IGSF3: variants seen among roughly 807,000 people sequenced by gnomAD.
IGSF3 encodes the protein glu-Trp-Ile EWI motif-containing protein 3.
In IGSF3, 23 loss-of-function variants were observed where a neutral mutation model predicts 114.4. That is an observed-to-expected ratio of 0.20 (90% CI 0.14 to 0.28). The LOEUF is 0.28. Among genes scored for constraint, IGSF3 ranks in the 10% least tolerant of loss-of-function variants. The pLI, the probability that IGSF3 is intolerant of heterozygous loss-of-function variation, is 1.00. For missense variants in IGSF3, 1,172 were observed against 1,591.5 expected, an observed-to-expected ratio of 0.74 and a Z score of 4.48; for synonymous variants, 571 against 645.2, an observed-to-expected ratio of 0.88 and a Z score of 1.74.
Position 116,616,434 on chromosome 1 carries a change from C to T in IGSF3, c.67G>A (p.Val23Ile). 6.2e-7 allele frequency: 1 copy of T among 1,600,994 alleles called. No homozygotes were observed. The highest frequency in any genetic ancestry group is 8.5e-7 in the Non-Finnish European group (1 of 1,171,092). ...VLGVVSAQRQ[V>I]TVQEGPLYRT... ...TACAAGGGTCCTTCCTGAACGGTGA[C>T]CTGCCGCTGTGCTGACACCACACCT... The change falls in exon 3 of 11, where the codon GTC (valine) becomes ATC (isoleucine). Residue 23 changes from valine to isoleucine, a missense_variant. By Grantham distance (29) the Val-to-Ile change is conservative. Transcript: ENST00000369486. This position sits in a 1 kb window ranked among gnomAD's most constrained non-coding sequence, Gnocchi z 6.6.
rs1448888822 is a variant in IGSF3 at position 116,614,080 on chromosome 1, T to A, written c.517A>T (p.Thr173Ser). The change falls in exon 4 of 11, where the codon ACC becomes TCC. Residue 173 changes from threonine (T) to serine (S), a missense_variant. Coordinates refer to ENST00000369486, the MANE Select transcript of IGSF3 (RefSeq NM_001007237.3). The surrounding 1 kb of genome is among the most constrained non-coding windows in gnomAD (Gnocchi z 4.5). The part of the protein sequence containing the change: ...LELTCEVASE[T>S]IQHSHLSVAW... The stretch of plus-strand genomic sequence containing the variant: ...ACAGACAGGTGGCTGTGCTGAATGG[T>A]CTCTGAGGCCACCTCACAAGTGAGC... 3.1e-6 allele frequency: 5 copies of A among 1,614,120 alleles called. No homozygotes were observed. Among genetic ancestry groups the A allele is most frequent in the Admixed American group, 1.7e-5 (1 of 60,032 alleles).
At chr1:116,637,795 T>C (rs1157845758) in intron 2 of IGSF3, among the ~76,000 whole-genome samples, 1 of 152,202 alleles carries the variant, frequency 6.6e-6, no homozygotes, top group East Asian at 1.9e-4. Context: ...ACACTTGCTG[T>C]TCCTTCTTGC....
chr1:116,629,732 C>A lies in IGSF3; in HGVS notation c.44-13275G>T, dbSNP rs1647470911. Among the ~76,000 whole-genome samples the A allele has an allele frequency of 1.3e-5, 2 of 152,218 alleles. No homozygotes were observed. Among genetic ancestry groups the A allele is most frequent in the Admixed American group, 1.3e-4 (2 of 15,284 alleles). The stretch of plus-strand genomic sequence containing the variant: ...CCCTCTATTTGAGCTACTTAATGCA[C>A]AAGGGCCTGGTTGAACAGGTTTGAC... On this transcript the variant is annotated intron_variant, in intron 2 of 10. Coordinates refer to ENST00000369486, the MANE Select transcript of IGSF3 (RefSeq NM_001007237.3). The surrounding 1 kb of genome is among the most constrained non-coding windows in gnomAD (Gnocchi z 4.3).
Position 116,626,360 on chromosome 1 carries a change from C to T in IGSF3, c.44-9903G>A, listed in dbSNP as rs1408812255. Among the ~76,000 whole-genome samples, 3 of 149,298 alleles carry T rather than the reference C, an allele frequency of 2.0e-5. No homozygotes were observed. The East Asian group carries it at 5.8e-4, about 29-fold the overall frequency. On this transcript the variant is annotated intron_variant, in intron 2 of 10. Coordinates refer to ENST00000369486, the MANE Select transcript of IGSF3 (RefSeq NM_001007237.3). ...ATCGTCCCTTTCATTGAGTTATGAT[C>T]CTCAGTTTTCCTCCTCAAAGTTTTT...
At chr1:116,602,972 T>C (rs927859163) in intron 6 of IGSF3, among the ~76,000 whole-genome samples, 1 of 152,324 alleles carries the variant, frequency 6.6e-6, no homozygotes, top group South Asian at 2.1e-4. Context: ...ATGGGCCCCG[T>C]CAGGTAGTAG....
Position 116,616,910 on chromosome 1 carries a change from TG to T in IGSF3, c.44-454del, listed in dbSNP as rs1661240254. ...AATGCTTCTTCCTTGGTCTGAGCGC[TG>T]GTGGGAGGGAGTCCTGGGAGCACCT... On this transcript the variant is annotated intron_variant, in intron 2 of 10. Transcript: ENST00000369486. The surrounding 1 kb of genome is among the most constrained non-coding windows in gnomAD (Gnocchi z 6.6). 6.6e-6 allele frequency among the ~76,000 whole-genome samples: 1 copy of T among 152,218 alleles called. No individual in the cohort carries two copies. Among genetic ancestry groups the T allele is most frequent in the Non-Finnish European group, 1.5e-5 (1 of 68,032 alleles).
Position 116,577,082 on chromosome 1 carries a change from A to G in IGSF3, c.*230T>C, listed in dbSNP as rs753951073. The G allele has an allele frequency of 7.5e-6, 4 of 536,448 alleles. No homozygotes were observed. Among genetic ancestry groups the G allele is most frequent in the Non-Finnish European group, 1.3e-5 (4 of 301,096 alleles). 33.2% of individuals were successfully genotyped at this position (536,448 alleles called of 1,614,324 possible). The stretch of plus-strand genomic sequence containing the variant: ...TACATTACTAAAAACAGAAACAAGA[A>G]ATCTATAATGGCAGGATCACAACAT... On this transcript the variant is annotated 3_prime_UTR_variant, in exon 11 of 11. Transcript: ENST00000369486. This position sits in a 1 kb window ranked among gnomAD's most constrained non-coding sequence, Gnocchi z 5.7.
At position 116,638,653 on chromosome 1, in the gene IGSF3, G is replaced by C. The variant is rs1647941799; in HGVS notation, c.44-22196C>G. On this transcript the variant is annotated intron_variant, in intron 2 of 10. Transcript: ENST00000369486. This position sits in a 1 kb window ranked among gnomAD's most constrained non-coding sequence, Gnocchi z 4.1. ...ATGCTTACATCGTTTTCCATCTCTT[G>C]TGTTGGTGAGCTAAAAACAAGATGG... 6.6e-6 allele frequency among the ~76,000 whole-genome samples: 1 copy of C among 152,104 alleles called. No individual in the cohort carries two copies. The highest frequency in any genetic ancestry group is 1.5e-5 in the Non-Finnish European group (1 of 68,040).
rs1647386677 is a variant in IGSF3, at chr1:116,628,075, G to C, written c.44-11618C>G. On this transcript the variant is annotated intron_variant, in intron 2 of 10. Transcript: ENST00000369486. The surrounding 1 kb of genome is among the most constrained non-coding windows in gnomAD (Gnocchi z 4.2). ...GATAGCTGGATAATCGCAATAAGCA[G>C]AGCCCCAATAACTAGCTCCAGTGTG... 6.6e-6 allele frequency among the ~76,000 whole-genome samples: 1 copy of C among 152,234 alleles called. No homozygotes were observed. The highest frequency in any genetic ancestry group is 1.5e-5 in the Non-Finnish European group (1 of 68,040).
chr1:116,625,422 G>A lies in IGSF3; in HGVS notation c.44-8965C>T, dbSNP rs1317501061. Among the ~76,000 whole-genome samples, 1 of 152,218 alleles carries A rather than the reference G, an allele frequency of 6.6e-6. No homozygotes were observed. Among genetic ancestry groups the A allele is most frequent in the Non-Finnish European group, 1.5e-5 (1 of 68,042 alleles). Reference sequence around the variant, plus strand: ...AACACTGCAGTGCATTCCAGGATTAGCAAGAAGTTTGCGGAGGTCGTTTTG... The same window carrying A: ...AACACTGCAGTGCATTCCAGGATTAACAAGAAGTTTGCGGAGGTCGTTTTG... On this transcript the variant is annotated intron_variant, in intron 2 of 10. Transcript: ENST00000369486. This position sits in a 1 kb window ranked among gnomAD's most constrained non-coding sequence, Gnocchi z 4.7.
Position 116,604,163 on chromosome 1 carries a change from C to T in IGSF3, c.1223-138G>A, listed in dbSNP as rs1295195627. On this transcript the variant is annotated intron_variant, in intron 5 of 10. Transcript: ENST00000369486. ...CCTCAGAGGGTCAAAAACACTCTGA[C>T]CCTAGTTGCTGCAAGCCCTGGCTGG... is the stretch of plus-strand genomic sequence containing the variant. 6 of 770,960 alleles carry T rather than the reference C, an allele frequency of 7.8e-6. No homozygotes were observed. In the East Asian group the frequency reaches 1.6e-4, roughly 21 times the overall value. 47.8% of individuals were successfully genotyped at this position (770,960 alleles called of 1,614,324 possible).
At chr1:116,586,743 G>A (rs1659861428) in intron 8 of IGSF3, among the ~76,000 whole-genome samples, 1 of 152,152 alleles carries the variant, frequency 6.6e-6, no homozygotes, top group African/African-American at 2.4e-5. Flanking sequence ...GTGATGACTA[G>A]AGTGGAAATG....
intron 2 of IGSF3, 57 bp downstream of exon 2, chr1:116,666,227 G>T: frequency 4.7e-6 from 7 of 1,493,162 alleles, no homozygotes; most frequent in Middle Eastern, 1.7e-4. Context: ...GAAATTACAG[G>T]AACCAAGAGC....
Position 116,605,714 on chromosome 1 carries a change from C to T in IGSF3, c.1223-1689G>A, listed in dbSNP as rs1384859654. Among the ~76,000 whole-genome samples the T allele has an allele frequency of 1.3e-5, 2 of 152,164 alleles. No homozygotes were observed. The highest frequency in any genetic ancestry group is 2.4e-5 in the African/African-American group (1 of 41,438). On this transcript the variant is annotated intron_variant, in intron 5 of 10. Coordinates refer to ENST00000369486, the MANE Select transcript of IGSF3 (RefSeq NM_001007237.3). This position sits in a 1 kb window ranked among gnomAD's most constrained non-coding sequence, Gnocchi z 5.1. ...TATTTTTCATCATCATTAATAACAA[C>T]AATATTCCTCTTTAGATTAAAGACT...
rs562478210 is a variant in IGSF3 at position 116,625,342 on chromosome 1, A to G, written c.44-8885T>C. On this transcript the variant is annotated intron_variant, in intron 2 of 10. Transcript: ENST00000369486. The surrounding 1 kb of genome is among the most constrained non-coding windows in gnomAD (Gnocchi z 4.7). ...AAAGCATTCAAAAAGCCTTCAAAAA[A>G]GCAGTGACATCTGAATTGGGTCCCA... Among the ~76,000 whole-genome samples the G allele has an allele frequency of 2.4e-4, 36 of 152,380 alleles. No individual in the cohort carries two copies. The East Asian group carries it at 6.0e-3, about 25-fold the overall frequency.
intron 6 of IGSF3, among the ~76,000 whole-genome samples, chr1:116,601,327 C>T (rs1224299489): frequency 6.6e-6 from 1 of 152,188 alleles, no homozygotes; most frequent in Non-Finnish European, 1.5e-5. Context: ...TTTTAGGTTG[C>T]TTTACCCATG....
rs765727956 is a variant in IGSF3, at chr1:116,603,549, A to G, written c.1624+75T>C. The G allele has an allele frequency of 6.3e-6, 9 of 1,435,828 alleles. No homozygotes were observed. Among genetic ancestry groups the G allele is most frequent in the African/African-American group, 1.4e-5 (1 of 71,248 alleles). The allele number at this position is 1,435,828 out of a possible 1,614,324, so 88.9% of individuals were successfully genotyped here. A position where few individuals can be genotyped will look rare whatever the true frequency, so the allele number is the denominator to read the frequency against. ...GTTTCCTGCTAAAACTCTGACTGAG[A>G]AAAGTCAGGATAAGGTGTTTGACAC... is the stretch of plus-strand genomic sequence containing the variant. On this transcript the variant is annotated intron_variant, in intron 6 of 10. Coordinates refer to ENST00000369486, the MANE Select transcript of IGSF3 (RefSeq NM_001007237.3). The surrounding 1 kb of genome is among the most constrained non-coding windows in gnomAD (Gnocchi z 7.1).
In IGSF3 at chr1:116,665,500, A is replaced by T. The variant is rs1351613457; in HGVS notation, c.43+784T>A. Among the ~76,000 whole-genome samples, 1 of 152,182 alleles carries T rather than the reference A, an allele frequency of 6.6e-6. No homozygotes were observed. The highest frequency in any genetic ancestry group is 1.5e-5 in the Non-Finnish European group (1 of 68,028). On this transcript the variant is annotated intron_variant, in intron 2 of 10. Coordinates refer to ENST00000369486, the MANE Select transcript of IGSF3 (RefSeq NM_001007237.3). This position sits in a 1 kb window ranked among gnomAD's most constrained non-coding sequence, Gnocchi z 4.0. The stretch of plus-strand genomic sequence containing the variant: ...CGCTGAAGACAGTGCTCAATGGCAT[A>T]AAAAGAATAGGCAATTGTTGAGCAG...
intron 2 of IGSF3, among the ~76,000 whole-genome samples, chr1:116,622,309 G>A (rs983754451): frequency 1.4e-4 from 21 of 152,118 alleles, no homozygotes; most frequent in African/African-American, 5.1e-4. Flanking sequence ...ATAATACTGT[G>A]AAAGCCACCA....
Sources: allele counts gnomAD v4.1 joint callset (sites outside exome capture counted in the v4.1 genomes callset), GRCh38; gene constraint gnomAD v4.1.1; non-coding constraint Gnocchi (gnomAD v3.1); transcripts MANE v1.5; gene names NCBI Gene and HGNC (gene_info 2026-07-23, HGNC 2026-07-21).